The following SLC2A11 variants were observed in gnomAD, a reference collection of about 807,000 sequenced individuals.
SLC2A11 encodes solute carrier family 2, facilitated glucose transporter member 11.
A neutral mutation model predicts 52.1 loss-of-function variants in SLC2A11; 43 were observed. That is an observed-to-expected ratio of 0.82 (90% CI 0.65 to 1.06). The LOEUF (loss-of-function observed/expected upper bound fraction) is 1.06, where lower values mean the gene tolerates loss of function less well. Among genes scored for constraint, SLC2A11 ranks in the 50% least tolerant of loss-of-function variants. The probability of loss-of-function intolerance (pLI) is 0.00; values close to 1 mark genes in which losing one functional copy is unlikely to be tolerated. For missense variants in SLC2A11, 582 were observed against 654.2 expected, an observed-to-expected ratio of 0.89 and a Z score of 1.20; for synonymous variants, 261 against 277.6, an observed-to-expected ratio of 0.94 and a Z score of 0.59.
Position 23,882,818 on chromosome 22 carries a change from G to T in SLC2A11, c.942G>T (p.Gln314His). The T allele has an allele frequency of 5.6e-6, 9 of 1,613,926 alleles. No homozygotes were observed. Among genetic ancestry groups the T allele is most frequent in the Non-Finnish European group, 6.8e-6 (8 of 1,179,930 alleles). Residue 314 changes from glutamine (Q) to histidine (H), a missense_variant, in exon 8 of 12, where the codon CAG (glutamine) becomes CAT (histidine). Coordinates refer to ENST00000316185, the MANE Select transcript of SLC2A11 (RefSeq NM_001024939.4). ...CAGGAGTGCCGGAAGCGAAGATCCAGTACGCGATCATCGGGACTGGGAGCT... is the reference window on the plus strand; with the variant it reads ...CAGGAGTGCCGGAAGCGAAGATCCATTACGCGATCATCGGGACTGGGAGCT... Reference protein sequence around the residue: ...RKAGVPEAKIQYAIIGTGSCE... With the variant: ...RKAGVPEAKIHYAIIGTGSCE...
At chr22:23,861,489 C>G (rs1216266587) in intron 1 of SLC2A11, among the ~76,000 whole-genome samples, 1 of 152,076 alleles carries the variant, frequency 6.6e-6, no homozygotes, top group East Asian at 1.9e-4. Context: ...AAGGAAGTCA[C>G]TTAGGATGAG....
At chr22:23,866,762 T>A (rs536517560) in intron 2 of SLC2A11, 1 of 152,158 alleles carries the variant, frequency 6.6e-6, no homozygotes, top group South Asian at 2.1e-4. Flanking sequence ...ACAAAAAAAT[T>A]TAAAAATTAG....
At chr22:23,881,272 T>A (rs1161337634) in intron 6 of SLC2A11, 1 of 151,916 alleles carries the variant, frequency 6.6e-6, no homozygotes, top group Non-Finnish European at 1.5e-5. Context: ...CTGGCTGATC[T>A]AGAATAGTCC....
At chr22:23,880,258 CA>C (rs60165299) in intron 6 of SLC2A11, among the ~76,000 whole-genome samples, 1,628 of 41,782 alleles carry the variant, frequency 0.039, 24 homozygotes, top group African/African-American at 0.071. Flanking sequence ...GACTCCATCT[CA>C]AAAAAAAAAA....
intron 6 of SLC2A11, chr22:23,880,440 C>G (rs760881253): frequency 5.9e-5 from 9 of 152,066 alleles, no homozygotes; most frequent in Non-Finnish European, 1.2e-4. Context: ...CAACAAACCA[C>G]GCTCACAATT....
rs569477943 is a variant in SLC2A11, at chr22:23,868,518, G to A, written c.167G>A (p.Arg56His). The A allele has an allele frequency of 1.3e-4, 217 of 1,614,230 alleles. No individual in the cohort carries two copies. The highest frequency in any genetic ancestry group is 1.2e-3 in the South Asian group (113 of 91,086). The part of the protein sequence containing the change: ...QEFTNETWQA[R>H]TGEPLPDHLV... ...TTCACCAATGAGACATGGCAGGCGC[G>A]TACTGGAGAGCCACTGCCCGATCAC... The change falls in exon 3 of 12, where the codon CGT becomes CAT. Residue 56 changes from arginine (R) to histidine (H), a missense_variant. By Grantham distance (29) the Arg-to-His change is conservative. Coordinates refer to ENST00000316185, the MANE Select transcript of SLC2A11 (RefSeq NM_001024939.4).
chr22:23,858,272 G>A (rs2031929012), intron 1 of SLC2A11: 4 of 669,314 alleles, frequency 6.0e-6, no homozygotes, highest in Non-Finnish European at 1.1e-5. Flanking sequence ...AGCCCCCAGA[G>A]ATGCTAAATC....
At position 23,862,094 on chromosome 22, in the gene SLC2A11, C is replaced by T; in HGVS notation, c.31-10C>T. On this transcript the variant is annotated splice_polypyrimidine_tract_variant and intron_variant, in intron 1 of 11. Transcript: ENST00000316185. ...TGTTGGTCACTCTGTGTTCTCTCCT[C>T]TCTCCTCAGATTCAGGGCAGGATCC... is the stretch of plus-strand genomic sequence containing the variant. 1 of 1,613,388 alleles carries T rather than the reference C, an allele frequency of 6.2e-7. No individual in the cohort carries two copies. Among genetic ancestry groups the T allele is most frequent in the Non-Finnish European group, 8.5e-7 (1 of 1,179,354 alleles).
Position 23,882,574 on chromosome 22 carries a change from T to G in SLC2A11, c.810T>G (p.His270Gln), listed in dbSNP as rs2032856401. Residue 270 changes from histidine to glutamine, a missense_variant, in exon 7 of 12, where the codon CAT (histidine) becomes CAG (glutamine). Coordinates refer to ENST00000316185, the MANE Select transcript of SLC2A11 (RefSeq NM_001024939.4). ...RARRPWELFQ[H>Q]RALRRQVTSL... ...GGCGCCCATGGGAGCTGTTCCAGCA[T>G]CGGGCCCTGAGGAGACAGGTGACAA... The G allele has an allele frequency of 1.2e-6, 2 of 1,613,086 alleles. No homozygotes were observed. The highest frequency in any genetic ancestry group is 1.7e-6 in the Non-Finnish European group (2 of 1,179,746).
At chr22:23,859,960 G>C (rs1601482830) in intron 1 of SLC2A11, among the ~76,000 whole-genome samples, 1 of 152,206 alleles carries the variant, frequency 6.6e-6, no homozygotes, top group South Asian at 2.1e-4. Flanking sequence ...ATTTTTTGGG[G>C]GAAGATATCA....
chr22:23,883,620 A>G, intron 8 of SLC2A11, 152 bp from the exon 9 acceptor site: 1 of 614,494 alleles, frequency 1.6e-6, no homozygotes, highest in Non-Finnish European at 2.7e-6. Flanking sequence ...TTGATTGACC[A>G]AGTTCCTTTG....
chr22:23,857,512 C>T (rs1381009105), upstream of SLC2A11: 4 of 1,613,752 alleles, frequency 2.5e-6, no homozygotes, highest in East Asian at 4.5e-5. Context: ...CTGGAGCCGT[C>T]CTTACGGCCT....
chr22:23,858,277 T>C, intron 1 of SLC2A11: 1 of 657,050 alleles, frequency 1.5e-6, no homozygotes, highest in South Asian at 1.7e-5. Flanking sequence ...CCAGAGATGC[T>C]AAATCCTCTG....
intron 1 of SLC2A11, among the ~76,000 whole-genome samples, chr22:23,860,601 G>A (rs2032013794): frequency 6.6e-6 from 1 of 151,940 alleles, no homozygotes; most frequent in Admixed American, 6.5e-5. Context: ...GGGTGTGGTG[G>A]TGCATGCCTG....
upstream of SLC2A11, chr22:23,857,047 G>A (rs2031852371): frequency 8.4e-7 from 1 of 1,188,136 alleles, no homozygotes; most frequent in East Asian, 3.7e-5. Context: ...AAAGGTCGGG[G>A]ATACCTGAAC....
At chr22:23,861,283 T>A (rs2032050607) in intron 1 of SLC2A11, among the ~76,000 whole-genome samples, 2 of 96,832 alleles carry the variant, frequency 2.1e-5, no homozygotes, top group African/African-American at 4.4e-5. Context: ...AGGCCAAGAC[T>A]CAGTCTCAAA....
chr22:23,878,605 C>G (rs1389626300), intron 6 of SLC2A11, among the ~76,000 whole-genome samples: 2 of 152,202 alleles, frequency 1.3e-5, no homozygotes, highest in Non-Finnish European at 2.9e-5. Flanking sequence ...TGCCAAATCC[C>G]AAGTCAAGGG....
rs765625468 is a variant in SLC2A11 at position 23,884,809 on chromosome 22, C to T, written c.1460C>T (p.Thr487Met). The change falls in exon 12 of 12, where the codon ACG (threonine) becomes ATG (methionine). Residue 487 changes from threonine (T) to methionine (M), a missense_variant. Transcript: ENST00000316185. This position sits in a 1 kb window ranked among gnomAD's most constrained non-coding sequence, Gnocchi z 4.3. ...TTCCCCAGGCGGGCCCAGGGCCCCACGTGGAGGAGCCTGGAGGTTATCCAG... is the reference window on the plus strand; with the variant it reads ...TTCCCCAGGCGGGCCCAGGGCCCCATGTGGAGGAGCCTGGAGGTTATCCAG... ...LNFPRRAQGPTWRSLEVIQST... is the reference protein window; with the variant it reads ...LNFPRRAQGPMWRSLEVIQST... The T allele has an allele frequency of 3.0e-5, 49 of 1,614,074 alleles. No individual in the cohort carries two copies. Among genetic ancestry groups the T allele is most frequent in the Non-Finnish European group, 3.8e-5 (45 of 1,180,034 alleles).
chr22:23,878,249 T>C (rs2032689258), intron 6 of SLC2A11, among the ~76,000 whole-genome samples: 1 of 152,116 alleles, frequency 6.6e-6, no homozygotes, highest in Admixed American at 6.5e-5. Flanking sequence ...TCGCAACATT[T>C]CTGCTTTAAA....
Sources: gnomAD v4.1 joint callset for allele counts (sites outside exome capture counted in the v4.1 genomes callset) on GRCh38, gnomAD v4.1.1 for gene constraint, Gnocchi (gnomAD v3.1) non-coding constraint, MANE v1.5 for transcripts, NCBI Gene and HGNC (gene_info 2026-07-23, HGNC 2026-07-21) for gene names.